The following TRPM3 variants were observed in gnomAD, a reference collection of about 807,000 sequenced individuals.
TRPM3 encodes the protein transient receptor potential cation channel subfamily M member 3.
Under a neutral mutation model 181.2 loss-of-function variants are expected in TRPM3, and 77 were observed. The observed-to-expected ratio is 0.42, with a 90% CI of 0.35 to 0.51. The LOEUF (loss-of-function observed/expected upper bound fraction) is 0.51. Ranked by LOEUF, TRPM3 falls within the 20% of genes least tolerant of loss-of-function variation. The pLI is 0.01. For missense variants in TRPM3, 1,759 were observed against 2,196.7 expected (o/e 0.80, Z 3.98); for synonymous variants, 745 against 796.4 (o/e 0.94, Z 1.09).
rs1366754181 is a variant in TRPM3, at chr9:70,846,466, C to T, written c.588G>A (p.Gln196=). Residue 196 remains glutamine, a synonymous_variant, in exon 4 of 26, where the codon CAG becomes CAA. Coordinates refer to ENST00000677713, the MANE Select transcript of TRPM3 (RefSeq NM_001366145.2). ...VHGGLQNFEL[Q]PKLKQVFGKG... ...TCCCAAAGACTTGCTTGAGTTTTGG[C>T]TGGAGTTCAAAGTTCTGCAGGCCCC... 1 of 1,614,140 alleles carries T rather than the reference C, an allele frequency of 6.2e-7. No homozygotes were observed. Among genetic ancestry groups the T allele is most frequent in the Non-Finnish European group, 8.5e-7 (1 of 1,180,022 alleles).
intron 1 of TRPM3, among the ~76,000 whole-genome samples, chr9:71,326,565 A>G (rs1214174088): frequency 6.6e-6 from 1 of 152,228 alleles, no homozygotes; most frequent in East Asian, 1.9e-4. Context: ...CATAAAATGC[A>G]ACTGGTACTT....
chr9:70,894,524 G>A (rs1317068371), intron 1 of TRPM3, among the ~76,000 whole-genome samples: 1 of 152,140 alleles, frequency 6.6e-6, no homozygotes, highest in Non-Finnish European at 1.5e-5. Flanking sequence ...TTAAACACAT[G>A]TTTCTTGAGC....
At chr9:71,175,632 G>A (rs926402585) in intron 1 of TRPM3, among the ~76,000 whole-genome samples, 1 of 152,158 alleles carries the variant, frequency 6.6e-6, no homozygotes, top group Non-Finnish European at 1.5e-5. Flanking sequence ...CTAGTTTCCA[G>A]GCTACTGGTG....
chr9:70,679,181 A>G (rs955024031), intron 9 of TRPM3, among the ~76,000 whole-genome samples: 1 of 152,230 alleles, frequency 6.6e-6, no homozygotes, highest in Non-Finnish European at 1.5e-5. Context: ...TAGATTGAAT[A>G]GAAAATACCC....
intron 1 of TRPM3, among the ~76,000 whole-genome samples, chr9:70,878,584 A>G (rs1015869730): frequency 6.6e-6 from 1 of 152,120 alleles, no homozygotes; most frequent in Non-Finnish European, 1.5e-5. Context: ...TCAATCCATT[A>G]CATTACAAAC....
chr9:70,600,113 T>C (rs2059624965), intron 20 of TRPM3, among the ~76,000 whole-genome samples: 1 of 152,212 alleles, frequency 6.6e-6, no homozygotes, highest in South Asian at 2.1e-4. Context: ...CATGGGTCTA[T>C]GAAATGCACA....
intron 1 of TRPM3, among the ~76,000 whole-genome samples, chr9:70,959,968 C>T (rs1338894338): frequency 6.6e-6 from 1 of 152,256 alleles, no homozygotes; most frequent in African/African-American, 2.4e-5. Flanking sequence ...ATAAGACCCC[C>T]AAATGAGTTA....
rs544293507 is a variant in TRPM3, at chr9:70,806,605, G to A, written c.973+21242C>T. On this transcript the variant is annotated intron_variant, in intron 6 of 25. Transcript: ENST00000677713. ...CTCGGGAGGCTGAGGCAGAAGAATC[G>A]CTGGAACACGGGAGGCGGGGGTTGC... Among the ~76,000 whole-genome samples, 13 of 152,176 alleles carry A rather than the reference G, an allele frequency of 8.5e-5. No individual in the cohort carries two copies. In the East Asian group the frequency reaches 2.1e-3, roughly 25 times the overall value.
chr9:71,307,841 A>G (rs1013565255), intron 1 of TRPM3, among the ~76,000 whole-genome samples: 6 of 152,182 alleles, frequency 3.9e-5, no homozygotes, highest in Non-Finnish European at 8.8e-5. Context: ...ACTATTATAA[A>G]TTAAATATTT....
chr9:70,739,348 C>A lies in TRPM3; in HGVS notation c.1272+22253G>T, dbSNP rs562184977. On this transcript the variant is annotated intron_variant, in intron 8 of 25. Coordinates refer to ENST00000677713, the MANE Select transcript of TRPM3 (RefSeq NM_001366145.2). Reference sequence around the variant, plus strand: ...CATATGCAAGTCGATAAATGTGATACACCACATCAACAGAATTAAAAACAG... The same window carrying A: ...CATATGCAAGTCGATAAATGTGATAAACCACATCAACAGAATTAAAAACAG... Among the ~76,000 whole-genome samples, 8 of 152,270 alleles carry A rather than the reference C, an allele frequency of 5.3e-5. No individual in the cohort carries two copies. In the South Asian group the frequency reaches 1.7e-3, roughly 32 times the overall value.
intron 12 of TRPM3, among the ~76,000 whole-genome samples, chr9:70,629,490 C>T (rs2133367187): frequency 6.6e-6 from 1 of 152,194 alleles, no homozygotes; most frequent in Admixed American, 6.5e-5. Flanking sequence ...CATGTGCCAT[C>T]ATGCCAGCTA....
intron 1 of TRPM3, among the ~76,000 whole-genome samples, chr9:71,167,728 T>G (rs1245050291): frequency 6.6e-6 from 1 of 151,950 alleles, no homozygotes; most frequent in Non-Finnish European, 1.5e-5. Flanking sequence ...TAAAAAAAAG[T>G]TTTTCTTGCT....
intron 1 of TRPM3, among the ~76,000 whole-genome samples, chr9:71,318,037 G>A (rs1471510783): frequency 1.3e-5 from 2 of 152,130 alleles, no homozygotes; most frequent in African/African-American, 4.8e-5. Context: ...ATTGCTTAAG[G>A]CCAGGAGTTT....
intron 5 of TRPM3, among the ~76,000 whole-genome samples, chr9:70,841,015 T>G (rs1017370923): frequency 6.6e-6 from 1 of 152,152 alleles, no homozygotes; most frequent in Admixed American, 6.6e-5. Flanking sequence ...AATCAACACA[T>G]TTTAAAGAAT....
intron 1 of TRPM3, among the ~76,000 whole-genome samples, chr9:70,926,561 A>T (rs1372483914): frequency 2.0e-5 from 3 of 152,212 alleles, no homozygotes. Context: ...TCAGAAAAAA[A>T]ACACAACTTT....
At chr9:71,316,297 A>G (rs1169815555) in intron 1 of TRPM3, among the ~76,000 whole-genome samples, 1 of 152,166 alleles carries the variant, frequency 6.6e-6, no homozygotes, top group Non-Finnish European at 1.5e-5. Flanking sequence ...CATGTCCATT[A>G]ATTCAATCTG....
At chr9:70,655,825 A>C (rs1046367166) in intron 9 of TRPM3, among the ~76,000 whole-genome samples, 2 of 152,126 alleles carry the variant, frequency 1.3e-5, no homozygotes, top group African/African-American at 4.8e-5. Context: ...AGTTATAATA[A>C]TTTAAAAGGT....
chr9:71,046,723 C>G (rs558054084), intron 1 of TRPM3, among the ~76,000 whole-genome samples: 1 of 152,190 alleles, frequency 6.6e-6, no homozygotes, highest in African/African-American at 2.4e-5. Flanking sequence ...ACACACAAAC[C>G]CTTGAGGCCC....
At position 71,397,812 on chromosome 9, in the gene TRPM3, T is replaced by C. The variant is rs149797394; in HGVS notation, c.183+48841A>G. Among the ~76,000 whole-genome samples, 168 of 152,204 alleles carry C rather than the reference T, an allele frequency of 1.1e-3. 2 individuals carry two copies. The highest frequency in any genetic ancestry group is 9.2e-3 in the Admixed American group (141 of 15,280). On this transcript the variant is annotated intron_variant, in intron 1 of 24. Coordinates refer to the TRPM3 transcript ENST00000357533. ...GAGTCTACATTATATTTCCAGAATA[T>C]TGGGTACATGCAAACCTCTGAATAC... is the stretch of plus-strand genomic sequence containing the variant.
Sources: gnomAD v4.1 joint callset for allele counts (sites outside exome capture counted in the v4.1 genomes callset) on GRCh38, gnomAD v4.1.1 for gene constraint, MANE v1.5 for transcripts, NCBI Gene and HGNC (gene_info 2026-07-23, HGNC 2026-07-21) for gene names.